The following ZNF385D variants were observed in gnomAD, a reference collection of about 807,000 sequenced individuals.
ZNF385D encodes zinc finger protein 659.
ZNF385D carries 15 observed loss-of-function variants against 35.8 expected under a neutral mutation model. The ratio of observed to expected loss-of-function variants is 0.42; its 90% CI spans 0.28 to 0.64. ZNF385D has a LOEUF of 0.64. ZNF385D is among the 30% of genes least tolerant of loss of function. The pLI is 0.23. For missense variants in ZNF385D, 474 were observed against 494.6 expected, an observed-to-expected ratio of 0.96 and a Z score of 0.39; for synonymous variants, 212 against 186.8, an observed-to-expected ratio of 1.13 and a Z score of -1.10.
At chr3:22,100,724 C>T (rs1701891597) in intron 3 of ZNF385D, among the ~76,000 whole-genome samples, 1 of 151,330 alleles carries the variant, frequency 6.6e-6, no homozygotes, top group Admixed American at 6.6e-5. Context: ...GGGAGATATA[C>T]CTAATGCTAG....
chr3:21,825,982 A>G lies in ZNF385D; in HGVS notation c.326-160954T>C, dbSNP rs563867913. On this transcript the variant is annotated intron_variant, in intron 3 of 5. Coordinates refer to the ZNF385D transcript ENST00000494108. ...TGCGAGGGATCTAGGTTGGGGCTAG[A>G]GAATCTAATGCCTGATGATTTGAGG... 4.6e-5 allele frequency among the ~76,000 whole-genome samples: 7 copies of G among 152,268 alleles called. No homozygotes were observed. The East Asian group carries it at 1.4e-3, about 29-fold the overall frequency.
At chr3:21,999,099 G>C (rs1036827519) in intron 3 of ZNF385D, among the ~76,000 whole-genome samples, 2 of 152,034 alleles carry the variant, frequency 1.3e-5, no homozygotes, top group Non-Finnish European at 2.9e-5. Flanking sequence ...TTTGATTTTA[G>C]CCATGTAGAC....
intron 3 of ZNF385D, among the ~76,000 whole-genome samples, chr3:21,919,437 C>T (rs779044978): frequency 6.6e-6 from 1 of 152,162 alleles, no homozygotes; most frequent in African/African-American, 2.4e-5. Context: ...CCAATAGTCA[C>T]TGAACTGTGC....
chr3:21,702,440 G>C (rs558640149), intron 1 of ZNF385D, among the ~76,000 whole-genome samples: 1 of 152,184 alleles, frequency 6.6e-6, no homozygotes, highest in African/African-American at 2.4e-5. Context: ...TTTTCCTCCT[G>C]GGCCTCCAGG....
intron 2 of ZNF385D, among the ~76,000 whole-genome samples, chr3:22,219,758 T>C (rs1393068648): frequency 1.3e-5 from 2 of 152,184 alleles, no homozygotes; most frequent in Non-Finnish European, 2.9e-5. Flanking sequence ...CTAAATGGAA[T>C]GAATAAAGAT....
rs932874554 is a variant in ZNF385D, at chr3:21,819,640, T to C, written c.326-154612A>G. Among the ~76,000 whole-genome samples, 9 of 103,696 alleles carry C rather than the reference T, an allele frequency of 8.7e-5. No individual in the cohort carries two copies. The Admixed American group carries it at 1.1e-3, about 12-fold the overall frequency. 68.0% of individuals were successfully genotyped at this position (103,696 alleles called of 152,430 possible). A position where few individuals can be genotyped will look rare whatever the true frequency, so the allele number is the denominator to read the frequency against. ...TATGTATGTATTATATAATTATATA[T>C]TCTATATTATATATTTATGTGTATT... is the stretch of plus-strand genomic sequence containing the variant. On this transcript the variant is annotated intron_variant, in intron 3 of 5. Coordinates refer to the ZNF385D transcript ENST00000494108.
chr3:22,125,126 T>C (rs566193137), intron 3 of ZNF385D, among the ~76,000 whole-genome samples: 6 of 152,250 alleles, frequency 3.9e-5, no homozygotes, highest in African/African-American at 1.4e-4. Flanking sequence ...TCCCATTCTT[T>C]TGCATACATA....
chr3:22,101,791 T>A (rs886729691), intron 3 of ZNF385D, among the ~76,000 whole-genome samples: 1 of 152,028 alleles, frequency 6.6e-6, no homozygotes, highest in Non-Finnish European at 1.5e-5. Context: ...ATATCAAGAA[T>A]GGTATACTTC....
intron 3 of ZNF385D, among the ~76,000 whole-genome samples, chr3:22,071,792 C>T (rs1024369601): frequency 6.6e-6 from 1 of 152,058 alleles, no homozygotes; most frequent in Non-Finnish European, 1.5e-5. Flanking sequence ...CTAGTTTTCT[C>T]CTCCTGGCCA....
chr3:21,848,710 C>T (rs1292193336), intron 3 of ZNF385D, among the ~76,000 whole-genome samples: 2 of 151,896 alleles, frequency 1.3e-5, no homozygotes, highest in Non-Finnish European at 2.9e-5. Flanking sequence ...CCTGAATAGT[C>T]GTATAACTAG....
At chr3:22,009,669 C>A (rs1696448758) in intron 3 of ZNF385D, among the ~76,000 whole-genome samples, 1 of 150,410 alleles carries the variant, frequency 6.6e-6, no homozygotes, top group African/African-American at 2.4e-5. Flanking sequence ...AATCAAGGTG[C>A]AGAAGGATGT....
At chr3:22,362,001 T>C (rs1696431273) in intron 2 of ZNF385D, among the ~76,000 whole-genome samples, 1 of 151,724 alleles carries the variant, frequency 6.6e-6, no homozygotes, top group Admixed American at 6.6e-5. Flanking sequence ...CCATCATTTC[T>C]AATGGCAGAC....
At chr3:22,123,956 C>T (rs2336675) in intron 3 of ZNF385D, among the ~76,000 whole-genome samples, 2 of 86,650 alleles carry the variant, frequency 2.3e-5, no homozygotes, top group African/African-American at 7.8e-5. Flanking sequence ...CTCTCTCTCT[C>T]TCTCTCTATA....
chr3:22,107,031 T>TTTTTTTTTTG (rs1338276378), intron 3 of ZNF385D, among the ~76,000 whole-genome samples: 1 of 147,058 alleles, frequency 6.8e-6, no homozygotes, highest in Non-Finnish European at 1.5e-5. Context: ...TGAGAGTTTT[T>TTTTTTTTTTG]TTTTTTTTTT....
chr3:21,496,652 A>G (rs1705916388), intron 4 of ZNF385D, among the ~76,000 whole-genome samples: 1 of 150,876 alleles, frequency 6.6e-6, no homozygotes, highest in Non-Finnish European at 1.5e-5. Context: ...AAAGTCCTCA[A>G]CAAAATACTA....
At chr3:21,877,807 T>A (rs1404801265) in intron 3 of ZNF385D, 1 of 152,046 alleles carries the variant, frequency 6.6e-6, no homozygotes, top group African/African-American at 2.4e-5. Context: ...TACCTGCTTG[T>A]AGAGATATCT....
chr3:21,876,120 T>C (rs556602227), intron 3 of ZNF385D, among the ~76,000 whole-genome samples: 6 of 152,208 alleles, frequency 3.9e-5, no homozygotes, highest in African/African-American at 1.4e-4. Flanking sequence ...AGCTGTGATA[T>C]CAGGAATGAT....
At chr3:22,164,181 C>G (rs1017003793) in intron 3 of ZNF385D, among the ~76,000 whole-genome samples, 1 of 147,420 alleles carries the variant, frequency 6.8e-6, no homozygotes, top group Non-Finnish European at 1.5e-5. Flanking sequence ...AGTGAGCACT[C>G]CTTTTTACAC....
intron 3 of ZNF385D, among the ~76,000 whole-genome samples, chr3:21,984,887 T>C: frequency 7.1e-6 from 1 of 140,604 alleles, no homozygotes; most frequent in Admixed American, 7.0e-5. Context: ...TTCACGTCCC[T>C]TGTAAGTTGG....
Sources: allele counts gnomAD v4.1 joint callset (sites outside exome capture counted in the v4.1 genomes callset), GRCh38; gene constraint gnomAD v4.1.1; transcripts MANE v1.5; gene names NCBI Gene and HGNC (gene_info 2026-07-23, HGNC 2026-07-21).